The following PTPRG variants were observed in gnomAD, a reference collection of about 807,000 sequenced individuals.
The protein encoded by PTPRG is receptor-type tyrosine-protein phosphatase gamma.
A neutral mutation model predicts 165.3 loss-of-function variants in PTPRG; 102 were observed. The observed-to-expected ratio is 0.62, with a 90% confidence interval of 0.53 to 0.73. PTPRG has a LOEUF of 0.73. Among genes scored for constraint, PTPRG ranks in the 30% least tolerant of loss-of-function variants. PTPRG has a pLI of 0.00. For synonymous variants in PTPRG, 675 were observed against 669.5 expected (o/e 1.01, Z -0.13); for missense variants, 1,866 against 1,861.4 (o/e 1.00, Z -0.05).
In PTPRG at chr3:62,269,865, A is replaced by AACCTCAGGTAGTACTGAAGCCTATTT. The variant is rs547148974; in HGVS notation, c.3009+698_3009+723dup. Among the ~76,000 whole-genome samples, 22 of 152,236 alleles carry AACCTCAGGTAGTACTGAAGCCTATTT rather than the reference A, an allele frequency of 1.4e-4. No individual in the cohort carries two copies. In the South Asian group the frequency reaches 4.3e-3, roughly 30 times the overall value. ...TTCAAGACCCCCGGTGGATGCTTGAAACCTCAGGTAGTACTGAAGCCTATT... is the reference window on the plus strand; with the variant it reads ...TTCAAGACCCCCGGTGGATGCTTGAAACCTCAGGTAGTACTGAAGCCTATTTACCTCAGGTAGTACTGAAGCCTATT... On this transcript the variant is annotated intron_variant, in intron 20 of 29. Transcript: ENST00000474889.
intron 2 of PTPRG, among the ~76,000 whole-genome samples, chr3:61,765,049 G>T (rs140644164): frequency 6.6e-6 from 1 of 152,166 alleles, no homozygotes; most frequent in Non-Finnish European, 1.5e-5. Context: ...AGAATCCATC[G>T]TTTTTACACA....
At chr3:61,664,347 G>C (rs894633204) in intron 1 of PTPRG, among the ~76,000 whole-genome samples, 5 of 152,170 alleles carry the variant, frequency 3.3e-5, no homozygotes, top group Admixed American at 6.5e-5. Flanking sequence ...TGAGCCCAGA[G>C]CTCTTGGTCT....
intron 1 of PTPRG, among the ~76,000 whole-genome samples, chr3:61,624,513 G>A (rs1701552832): frequency 6.6e-6 from 1 of 152,090 alleles, no homozygotes. Flanking sequence ...ATCCATTTTG[G>A]GACCATGAGG....
chr3:62,160,455 A>G (rs1474873108), intron 7 of PTPRG, among the ~76,000 whole-genome samples: 1 of 152,248 alleles, frequency 6.6e-6, no homozygotes, highest in Non-Finnish European at 1.5e-5. Flanking sequence ...CCCTCTAAAC[A>G]TCTTCTGAAA....
chr3:61,580,770 A>G (rs1352208105), intron 1 of PTPRG, among the ~76,000 whole-genome samples: 3 of 152,224 alleles, frequency 2.0e-5, no homozygotes, highest in Admixed American at 2.0e-4. Flanking sequence ...AAATAAAAGG[A>G]CTTAACGATT....
At chr3:61,907,424 C>G (rs969073706) in intron 2 of PTPRG, among the ~76,000 whole-genome samples, 2 of 152,184 alleles carry the variant, frequency 1.3e-5, no homozygotes, top group African/African-American at 4.8e-5. Context: ...TTCTTCTCAG[C>G]ATTGCTCTGA....
intron 5 of PTPRG, chr3:62,124,297 G>T (rs1703200766): frequency 3.8e-6 from 6 of 1,592,280 alleles, no homozygotes; most frequent in Non-Finnish European, 5.2e-6. Flanking sequence ...TGTTGAGGGT[G>T]GTCAGCGGCA....
At chr3:61,925,564 T>C (rs1196782420) in intron 2 of PTPRG, among the ~76,000 whole-genome samples, 1 of 152,076 alleles carries the variant, frequency 6.6e-6, no homozygotes, top group African/African-American at 2.4e-5. Context: ...GCCAACATGG[T>C]GAAACCTCAT....
intron 2 of PTPRG, among the ~76,000 whole-genome samples, chr3:61,985,377 T>C (rs1385443194): frequency 1.3e-5 from 2 of 152,178 alleles, no homozygotes. Context: ...GTCTGTTTCA[T>C]CCATTGCCTA....
chr3:62,101,722 C>T (rs768994943), intron 5 of PTPRG, among the ~76,000 whole-genome samples: 4 of 152,214 alleles, frequency 2.6e-5, no homozygotes, highest in African/African-American at 7.2e-5. Flanking sequence ...TGGCCCAAAC[C>T]TACCCCTGCT....
chr3:62,262,595 A>G (rs1701732768), intron 16 of PTPRG: 1 of 426,238 alleles, frequency 2.3e-6, no homozygotes, highest in Non-Finnish European at 4.1e-6. Context: ...GATTGATGAA[A>G]TAGTAAATAA....
intron 2 of PTPRG, among the ~76,000 whole-genome samples, chr3:61,975,091 A>G (rs2040471431): frequency 6.6e-6 from 1 of 152,168 alleles, no homozygotes; most frequent in South Asian, 2.1e-4. Context: ...TTCTTCATTC[A>G]GAAAATGAGG....
intron 2 of PTPRG, among the ~76,000 whole-genome samples, chr3:61,792,164 GCACATGA>G (rs559482821): frequency 4.6e-5 from 7 of 152,024 alleles, no homozygotes; most frequent in African/African-American, 1.7e-4. Flanking sequence ...ACTCTGGCAG[GCACATGA>G]CTTTATGTCT....
In PTPRG at chr3:62,195,082, C is replaced by T. The variant is rs745387716; in HGVS notation, c.1239C>T (p.Val413=). 1 of 1,614,224 alleles carries T rather than the reference C, an allele frequency of 6.2e-7. No homozygotes were observed. The highest frequency in any genetic ancestry group is 1.1e-5 in the South Asian group (1 of 91,090). The stretch of plus-strand genomic sequence containing the variant: ...TACAGAAAGCCACCATTAGCCATGT[C>T]TCACCCGATAGCCTTTACCTGTTCC... ...DKDLKATISH[V]SPDSLYLFRV... Residue 413 remains valine, a synonymous_variant, in exon 10 of 30, where the codon GTC becomes GTT. Transcript: ENST00000474889. This position sits in a 1 kb window ranked among gnomAD's most constrained non-coding sequence, Gnocchi z 4.4.
At chr3:62,138,982 C>T (rs982189362) in intron 6 of PTPRG, among the ~76,000 whole-genome samples, 13 of 152,168 alleles carry the variant, frequency 8.5e-5, no homozygotes, top group African/African-American at 1.7e-4. Context: ...TCGTCTAAAA[C>T]GGACCACTTT....
chr3:61,589,167 TTTC>T (rs1700506555), intron 1 of PTPRG, among the ~76,000 whole-genome samples: 1 of 152,214 alleles, frequency 6.6e-6, no homozygotes, highest in African/African-American at 2.4e-5. Context: ...TAAGTAAAGT[TTTC>T]TTGAAATACC....
rs1197852003 is a variant in PTPRG at position 62,203,500 on chromosome 3, T to C, written c.1705T>C (p.Ser569Pro). Reference sequence around the variant, plus strand: ...TTCTCCAGGGCCCGATGGTGATTCGTCACCAACCAAGGACGGCGAGGGCAC... The same window carrying C: ...TTCTCCAGGGCCCGATGGTGATTCGCCACCAACCAAGGACGGCGAGGGCAC... ...LASPGPDGDS[S>P]PTKDGEGTEE... is the part of the protein sequence containing the mutation. Residue 569 changes from serine to proline, a missense_variant, in exon 12 of 30, where the codon TCA (serine) becomes CCA (proline). By Grantham distance (74) the Ser-to-Pro change is moderately conservative. Around this residue, in one of 3 missense-constraint regions of PTPRG, gnomAD observed 1,452 missense variants for 1,463.0 expected, o/e 0.99. Transcript: ENST00000474889. This position sits in a 1 kb window ranked among gnomAD's most constrained non-coding sequence, Gnocchi z 6.4. 11 of 1,565,272 alleles carry C rather than the reference T, an allele frequency of 7.0e-6. No individual in the cohort carries two copies. In the Middle Eastern group the frequency reaches 6.6e-4, roughly 94 times the overall value.
At chr3:62,147,485 CAT>C (rs1476925028) in intron 6 of PTPRG, among the ~76,000 whole-genome samples, 1 of 152,188 alleles carries the variant, frequency 6.6e-6, no homozygotes, top group African/African-American at 2.4e-5. Flanking sequence ...CTGCGACTCT[CAT>C]GTCTTCATAT....
At chr3:62,230,170 G>C (rs544280177) in intron 13 of PTPRG, among the ~76,000 whole-genome samples, 1 of 152,124 alleles carries the variant, frequency 6.6e-6, no homozygotes, top group Admixed American at 6.5e-5. Flanking sequence ...TCCAAGTTTT[G>C]GTTCCTGTGC....
Sources: allele counts gnomAD v4.1 joint callset (sites outside exome capture counted in the v4.1 genomes callset), GRCh38; gene constraint gnomAD v4.1.1; regional missense constraint gnomAD v4.1.1; non-coding constraint Gnocchi (gnomAD v3.1); transcripts MANE v1.5; gene names NCBI Gene and HGNC (gene_info 2026-07-23, HGNC 2026-07-21).